APPL2: variants seen among roughly 807,000 people sequenced by gnomAD.
APPL2 encodes the protein DCC-interacting protein 13-beta.
APPL2 carries 84 observed loss-of-function variants against 92.7 expected under a neutral mutation model. The observed-to-expected ratio is 0.91, with a 90% CI of 0.76 to 1.09. The LOEUF is 1.09. Among genes scored for constraint, APPL2 ranks in the 50% least tolerant of loss-of-function variants. The pLI is 0.00. For synonymous variants in APPL2, 291 were observed against 291.0 expected, an observed-to-expected ratio of 1.00 and a Z score of 0.00; for missense variants, 736 against 824.5, an observed-to-expected ratio of 0.89 and a Z score of 1.31.
intron 9 of APPL2, among the ~76,000 whole-genome samples, chr12:105,201,621 C>T (rs1888209874): frequency 6.6e-6 from 1 of 151,680 alleles, no homozygotes; most frequent in African/African-American, 2.4e-5. Flanking sequence ...ACTGGGAGCT[C>T]ATCCAAGGTT....
chr12:105,208,096 G>T lies in APPL2; in HGVS notation c.415+62C>A, dbSNP rs780179971. 2.5e-6 allele frequency: 4 copies of T among 1,612,972 alleles called. No individual in the cohort carries two copies. The African/African-American group carries it at 5.3e-5, about 22-fold the overall frequency. On this transcript the variant is annotated intron_variant, in intron 6 of 20. Coordinates refer to ENST00000258530, the MANE Select transcript of APPL2 (RefSeq NM_018171.5). ...TCGAAAGGGAAGAACATTCATTGGG[G>T]GTCTCCTCCCCGCCACAGTAAGCCC...
intron 8 of APPL2, 87 bp downstream of exon 8, chr12:105,206,974 G>T: frequency 1.3e-6 from 2 of 1,488,376 alleles, no homozygotes; most frequent in South Asian, 1.3e-5. Flanking sequence ...TTCTTTCTAC[G>T]ACGATGCTTC....
chr12:105,197,785 G>A lies in APPL2; in HGVS notation c.1032C>T (p.Ile344=). Residue 344 remains isoleucine (I), a synonymous_variant, in exon 11 of 21, where the codon ATC becomes ATT. Transcript: ENST00000258530. ...CATACGATTTTCCATTGGGCGTGGT[G>A]ATCTGGAAGCAGTAGCGCCGGTCTT... ...DCEDRRYCFQ[I]TTPNGKSGII... The A allele has an allele frequency of 6.2e-7, 1 of 1,614,216 alleles. No homozygotes were observed. Among genetic ancestry groups the A allele is most frequent in the Non-Finnish European group, 8.5e-7 (1 of 1,180,050 alleles).
intron 17 of APPL2, among the ~76,000 whole-genome samples, chr12:105,182,896 T>C (rs1886243784): frequency 6.6e-6 from 1 of 152,142 alleles, no homozygotes; most frequent in South Asian, 2.1e-4. Context: ...TAAGTCTCTT[T>C]GTAGATCTCT....
At chr12:105,230,202 G>A (rs929744798) in intron 1 of APPL2, among the ~76,000 whole-genome samples, 7 of 152,168 alleles carry the variant, frequency 4.6e-5, no homozygotes, top group Non-Finnish European at 1.0e-4. Context: ...TAATAAGAAT[G>A]CTAGTTTACC....
At chr12:105,205,019 C>A (rs1297940979) in intron 8 of APPL2, among the ~76,000 whole-genome samples, 2 of 152,220 alleles carry the variant, frequency 1.3e-5, no homozygotes, top group Non-Finnish European at 2.9e-5. Context: ...GTCCCCACAC[C>A]TCCACAAAGG....
intron 2 of APPL2, among the ~76,000 whole-genome samples, chr12:105,226,349 A>G (rs1449433799): frequency 1.3e-5 from 2 of 152,210 alleles, no homozygotes; most frequent in Admixed American, 1.3e-4. Flanking sequence ...AGACATTCTC[A>G]CCAGCCTGTG....
intron 1 of APPL2, 57 bp from the exon 2 acceptor site, chr12:105,229,280 G>A (rs1481445796): frequency 1.3e-6 from 2 of 1,491,096 alleles, no homozygotes; most frequent in South Asian, 1.2e-5. Flanking sequence ...AGTTACAGAG[G>A]AGGAGGAAGA....
intron 2 of APPL2, among the ~76,000 whole-genome samples, chr12:105,218,182 T>C (rs369820175): frequency 6.6e-6 from 1 of 152,116 alleles, no homozygotes; most frequent in African/African-American, 2.4e-5. Flanking sequence ...GAAGAAAGCA[T>C]ATGTGTGTGC....
At chr12:105,186,669 T>TATATGATATCGATATCATTATATC (rs372961910) in intron 17 of APPL2, among the ~76,000 whole-genome samples, 6 of 64,534 alleles carry the variant, frequency 9.3e-5, no homozygotes, top group Middle Eastern at 5.7e-3. Context: ...ATATATCATA[T>TATATGATATCGATATCATTATATC]ATATGATATA....
intron 4 of APPL2, among the ~76,000 whole-genome samples, chr12:105,216,241 T>C (rs1023664389): frequency 1.3e-5 from 2 of 152,086 alleles, no homozygotes; most frequent in Admixed American, 6.5e-5. Flanking sequence ...AAGCTAGGCA[T>C]GGTGGCCCAT....
At chr12:105,203,852 G>T in intron 8 of APPL2, 67 bp from the exon 9 acceptor site, 2 of 1,428,814 alleles carry the variant, frequency 1.4e-6, no homozygotes, top group Non-Finnish European at 2.0e-6. Context: ...CACTGAAGGT[G>T]AGACAGGCAG....
At chr12:105,218,972 C>T (rs549589479) in intron 2 of APPL2, among the ~76,000 whole-genome samples, 1 of 152,216 alleles carries the variant, frequency 6.6e-6, no homozygotes, top group Non-Finnish European at 1.5e-5. Context: ...TATCCTCCTA[C>T]CACTGATGTG....
chr12:105,226,270 C>T (rs1890497016), intron 2 of APPL2, among the ~76,000 whole-genome samples: 1 of 152,244 alleles, frequency 6.6e-6, no homozygotes, highest in Non-Finnish European at 1.5e-5. Flanking sequence ...ACCAAGTGTC[C>T]TTGGCCCAGC....
intron 19 of APPL2, chr12:105,176,480 C>A: frequency 2.3e-6 from 1 of 434,718 alleles, no homozygotes. Flanking sequence ...GTTTTTCATA[C>A]TAAACCAACA....
At chr12:105,200,854 ATG>A (rs1888114171) in intron 9 of APPL2, among the ~76,000 whole-genome samples, 1 of 130,706 alleles carries the variant, frequency 7.7e-6, no homozygotes. Flanking sequence ...GTATGTATGT[ATG>A]TATGTATGTA....
At chr12:105,184,821 C>T (rs185129796) in intron 17 of APPL2, among the ~76,000 whole-genome samples, 9 of 152,336 alleles carry the variant, frequency 5.9e-5, no homozygotes, top group Admixed American at 5.9e-4. Flanking sequence ...AGCTGGCAGG[C>T]AGGAACATTT....
chr12:105,219,641 A>G (rs1196609004), intron 2 of APPL2, among the ~76,000 whole-genome samples: 1 of 152,264 alleles, frequency 6.6e-6, no homozygotes, highest in African/African-American at 2.4e-5. Context: ...AGGGTTTTAA[A>G]ATCCTTCCTA....
At chr12:105,228,716 C>T (rs1318445411) in intron 2 of APPL2, among the ~76,000 whole-genome samples, 1 of 152,164 alleles carries the variant, frequency 6.6e-6, no homozygotes, top group Non-Finnish European at 1.5e-5. Flanking sequence ...CAAGTCTTTT[C>T]AGAGGAAGCA....
Sources: gnomAD v4.1 joint callset for allele counts (sites outside exome capture counted in the v4.1 genomes callset) on GRCh38, gnomAD v4.1.1 for gene constraint, MANE v1.5 for transcripts, NCBI Gene and HGNC (gene_info 2026-07-23, HGNC 2026-07-21) for gene names.